SPATA17: variants seen among roughly 807,000 people sequenced by gnomAD.
The protein encoded by SPATA17 is spermatogenesis associated 17.
In SPATA17, 53 loss-of-function variants were observed where a neutral mutation model predicts 62.2. The ratio of observed to expected loss-of-function variants is 0.85; its 90% CI spans 0.68 to 1.07. The LOEUF is 1.07. Ranked by LOEUF, SPATA17 falls within the 50% of genes least tolerant of loss-of-function variation. The pLI, the probability that SPATA17 is intolerant of heterozygous loss-of-function variation, is 0.00. For missense variants in SPATA17, 466 were observed against 425.5 expected, an observed-to-expected ratio of 1.10 and a Z score of -0.84; for synonymous variants, 146 against 146.8, an observed-to-expected ratio of 0.99 and a Z score of 0.04.
chr1:217,704,472 GA>G (rs1458708482), intron 5 of SPATA17, among the ~76,000 whole-genome samples: 1 of 150,094 alleles, frequency 6.7e-6, no homozygotes, highest in Non-Finnish European at 1.5e-5. Flanking sequence ...GGATGGTCTC[GA>G]TCTCCTGACC....
chr1:217,686,592 G>A (rs910682371), intron 5 of SPATA17, among the ~76,000 whole-genome samples: 49 of 151,918 alleles, frequency 3.2e-4, no homozygotes, highest in African/African-American at 1.1e-3. Flanking sequence ...TTTAAAAGAC[G>A]CGTAATTTCT....
intron 9 of SPATA17, among the ~76,000 whole-genome samples, chr1:217,824,463 C>A (rs969118975): frequency 3.3e-5 from 5 of 151,516 alleles, no homozygotes; most frequent in African/African-American, 1.2e-4. Flanking sequence ...CAGTTCTATT[C>A]TTCCAAAGTA....
At chr1:217,752,740 C>T (rs10863342) in intron 6 of SPATA17, among the ~76,000 whole-genome samples, 6 of 152,078 alleles carry the variant, frequency 3.9e-5, no homozygotes, top group African/African-American at 1.4e-4. Context: ...GGCTAGCTTT[C>T]GGCTGTGTGC....
At chr1:217,800,212 T>C (rs1674273475) in intron 8 of SPATA17, among the ~76,000 whole-genome samples, 1 of 152,174 alleles carries the variant, frequency 6.6e-6, no homozygotes, top group Non-Finnish European at 1.5e-5. Flanking sequence ...TCTATGGGTG[T>C]AAAAGAGTGG....
At chr1:217,741,619 A>G (rs1380020684) in intron 5 of SPATA17, among the ~76,000 whole-genome samples, 1 of 151,992 alleles carries the variant, frequency 6.6e-6, no homozygotes. Context: ...AAGGGAAAAC[A>G]GTAGCACAGA....
intron 9 of SPATA17, among the ~76,000 whole-genome samples, chr1:217,807,242 G>A (rs574948874): frequency 6.6e-6 from 1 of 151,842 alleles, no homozygotes; most frequent in Non-Finnish European, 1.5e-5. Context: ...ATAGATACTG[G>A]GGTCTCCAAA....
chr1:217,832,250 A>T (rs966354099), intron 9 of SPATA17, among the ~76,000 whole-genome samples: 9 of 152,164 alleles, frequency 5.9e-5, no homozygotes, highest in African/African-American at 1.9e-4. Context: ...GTAAGTTTCC[A>T]TGTTCATGGC....
chr1:217,841,170 G>A (rs1675387372), intron 9 of SPATA17, among the ~76,000 whole-genome samples: 1 of 151,842 alleles, frequency 6.6e-6, no homozygotes, highest in Admixed American at 6.6e-5. Flanking sequence ...CAGAAATGAA[G>A]TAAGGTATGA....
intron 4 of SPATA17, 22 bp downstream of exon 4, chr1:217,669,105 A>G (rs754679523): frequency 1.9e-6 from 3 of 1,601,726 alleles, no homozygotes; most frequent in African/African-American, 2.7e-5. Flanking sequence ...TTCACTTGTT[A>G]AACAAATGAA....
chr1:217,715,113 C>T (rs1012791558), intron 5 of SPATA17, among the ~76,000 whole-genome samples: 2 of 152,030 alleles, frequency 1.3e-5, no homozygotes, highest in African/African-American at 2.4e-5. Context: ...TTATCCCCTA[C>T]CGTGACCAAG....
At chr1:217,718,887 C>T (rs1672064430) in intron 5 of SPATA17, among the ~76,000 whole-genome samples, 1 of 152,098 alleles carries the variant, frequency 6.6e-6, no homozygotes, top group Non-Finnish European at 1.5e-5. Flanking sequence ...AAAAAAACAG[C>T]AACAGAGCTT....
At chr1:217,817,788 C>A (rs1674760008) in intron 9 of SPATA17, among the ~76,000 whole-genome samples, 2 of 152,040 alleles carry the variant, frequency 1.3e-5, no homozygotes, top group Non-Finnish European at 2.9e-5. Flanking sequence ...TTGGCCACAT[C>A]TTGCCGTACG....
At chr1:217,810,536 C>T (rs1674561794) in intron 9 of SPATA17, among the ~76,000 whole-genome samples, 1 of 151,904 alleles carries the variant, frequency 6.6e-6, no homozygotes, top group Non-Finnish European at 1.5e-5. Flanking sequence ...GCAGAAGAAT[C>T]ACTTGAACCC....
chr1:217,686,784 A>T (rs1266645953), intron 5 of SPATA17, among the ~76,000 whole-genome samples: 1 of 152,206 alleles, frequency 6.6e-6, no homozygotes, highest in Non-Finnish European at 1.5e-5. Flanking sequence ...CAGTGGCACA[A>T]TCTTGACTCA....
chr1:217,650,009 G>A (rs953699840), intron 2 of SPATA17, among the ~76,000 whole-genome samples: 6 of 145,728 alleles, frequency 4.1e-5, no homozygotes, highest in African/African-American at 1.0e-4. Flanking sequence ...GCACCATTTC[G>A]GTTCACCGCA....
At chr1:217,668,410 A>G (rs1419524301) in intron 3 of SPATA17, among the ~76,000 whole-genome samples, 1 of 152,162 alleles carries the variant, frequency 6.6e-6, no homozygotes, top group Non-Finnish European at 1.5e-5. Flanking sequence ...TCACTATATC[A>G]AGGGATTTGC....
chr1:217,800,566 A>C (rs1272161202), intron 8 of SPATA17, among the ~76,000 whole-genome samples: 2 of 151,958 alleles, frequency 1.3e-5, no homozygotes, highest in Non-Finnish European at 2.9e-5. Context: ...GGATTTCATT[A>C]CTCCTTACAT....
intron 1 of SPATA17, among the ~76,000 whole-genome samples, chr1:217,641,866 C>T (rs1446178906): frequency 2.0e-5 from 3 of 152,148 alleles, no homozygotes; most frequent in Non-Finnish European, 1.5e-5. Context: ...CAAGCTTTGC[C>T]AAATTGCTCC....
intron 6 of SPATA17, among the ~76,000 whole-genome samples, chr1:217,767,196 C>A (rs1330449266): frequency 6.6e-6 from 1 of 152,074 alleles, no homozygotes; most frequent in East Asian, 1.9e-4. Context: ...CTATTCTCTT[C>A]TTGCTTGCAT....
Sources: allele counts gnomAD v4.1 joint callset (sites outside exome capture counted in the v4.1 genomes callset), GRCh38; gene constraint gnomAD v4.1.1; transcripts MANE v1.5; gene names NCBI Gene and HGNC (gene_info 2026-07-23, HGNC 2026-07-21).